The following ADCK2 variants were observed in gnomAD, a reference collection of about 807,000 sequenced individuals.
The protein encoded by ADCK2 is uncharacterized aarF domain-containing protein kinase 2.
In ADCK2, 37 loss-of-function variants were observed where a neutral mutation model predicts 52.3. The observed-to-expected ratio is 0.71, with a 90% CI of 0.54 to 0.93. ADCK2 has a LOEUF of 0.93. Ranked by LOEUF, ADCK2 falls within the 40% of genes least tolerant of loss-of-function variation. The pLI, the probability that ADCK2 is intolerant of heterozygous loss-of-function variation, is 0.00. For missense variants in ADCK2, 695 were observed against 798.7 expected (o/e 0.87, Z 1.56); for synonymous variants, 321 against 349.2 (o/e 0.92, Z 0.90).
In ADCK2 at chr7:140,690,826, C is replaced by T; in HGVS notation, c.1740+13C>T. ...GATGACTCACAAGGTGAGGGCCATT[C>T]AGAGGGGAGGTCTCTGGGGAAGGTG... On this transcript the variant is annotated intron_variant, in intron 7 of 7. Coordinates refer to ENST00000072869, the MANE Select transcript of ADCK2 (RefSeq NM_052853.4). The T allele has an allele frequency of 1.2e-6, 2 of 1,612,966 alleles. No homozygotes were observed. Among genetic ancestry groups the T allele is most frequent in the Non-Finnish European group, 1.7e-6 (2 of 1,179,410 alleles).
chr7:140,690,654 C>T (rs1438189707), intron 6 of ADCK2, 106 bp from the exon 7 acceptor site: 5 of 866,002 alleles, frequency 5.8e-6, no homozygotes, highest in Middle Eastern at 3.0e-4. Flanking sequence ...TGTGCCCTGG[C>T]GGGGGAGTGG....
chr7:140,690,891 G>A (rs1794692686), intron 7 of ADCK2, 78 bp downstream of exon 7: 18 of 1,306,582 alleles, frequency 1.4e-5, no homozygotes, highest in Non-Finnish European at 1.8e-5. Flanking sequence ...AGGGTGGTGG[G>A]AGGCGCTTCT....
At chr7:140,687,512 C>T (rs1794625673) in intron 5 of ADCK2, among the ~76,000 whole-genome samples, 1 of 151,962 alleles carries the variant, frequency 6.6e-6, no homozygotes, top group African/African-American at 2.4e-5. Flanking sequence ...GTCAGGGGTT[C>T]GAGACCAGCC....
chr7:140,676,558 T>G (rs974245633), intron 2 of ADCK2, among the ~76,000 whole-genome samples: 1 of 152,160 alleles, frequency 6.6e-6, no homozygotes, highest in Non-Finnish European at 1.5e-5. Flanking sequence ...CAAACTCACA[T>G]CTCTGAATCA....
intron 7 of ADCK2, among the ~76,000 whole-genome samples, chr7:140,691,114 C>T (rs895782417): frequency 1.6e-4 from 24 of 151,480 alleles, no homozygotes; most frequent in Non-Finnish European, 3.4e-4. Context: ...TTAGTAGAGA[C>T]GGGATTTCAC....
chr7:140,693,361 G>C lies in ADCK2; in HGVS notation c.1741-1302G>C, dbSNP rs138948988. Among the ~76,000 whole-genome samples the C allele has an allele frequency of 1.2e-3, 182 of 152,262 alleles. No individual in the cohort carries two copies. Among genetic ancestry groups the C allele is most frequent in the African/African-American group, 4.3e-3 (177 of 41,552 alleles). On this transcript the variant is annotated intron_variant, in intron 7 of 7. Coordinates refer to ENST00000072869, the MANE Select transcript of ADCK2 (RefSeq NM_052853.4). The surrounding 1 kb of genome is among the most constrained non-coding windows in gnomAD (Gnocchi z 4.0). Reference sequence around the variant, plus strand: ...TCCTGGGAGCATGCTGCTGCTTCTGGATCCACCTGACCCCGACAACCTTCC... The same window carrying C: ...TCCTGGGAGCATGCTGCTGCTTCTGCATCCACCTGACCCCGACAACCTTCC...
At chr7:140,691,784 C>G (rs2930315) in intron 7 of ADCK2, among the ~76,000 whole-genome samples, 45,912 of 152,214 alleles carry the variant, frequency 0.3, 10,869 homozygotes, top group African/African-American at 0.66. Flanking sequence ...TCCCCTCAGT[C>G]TTCCAAGAGG....
In ADCK2 at chr7:140,694,004, C is replaced by T. The variant is rs530399383; in HGVS notation, c.1741-659C>T. On this transcript the variant is annotated intron_variant, in intron 7 of 7. Coordinates refer to ENST00000072869, the MANE Select transcript of ADCK2 (RefSeq NM_052853.4). Reference sequence around the variant, plus strand: ...GATTACAGGAGTGAGCCACCACGCCCGGCCTGTGTGTTGTCTCTTAAAAAG... The same window carrying T: ...GATTACAGGAGTGAGCCACCACGCCTGGCCTGTGTGTTGTCTCTTAAAAAG... Among the ~76,000 whole-genome samples the T allele has an allele frequency of 5.9e-5, 9 of 152,298 alleles. No homozygotes were observed. The South Asian group carries it at 6.2e-4, about 11-fold the overall frequency.
chr7:140,673,322 C>A lies in ADCK2; in HGVS notation c.-9C>A. The A allele has an allele frequency of 7.0e-7, 1 of 1,437,542 alleles. No individual in the cohort carries two copies. The highest frequency in any genetic ancestry group is 1.5e-5 in the South Asian group (1 of 66,938). 89.0% of individuals were successfully genotyped at this position (1,437,542 alleles called of 1,614,324 possible). A position where few individuals can be genotyped will look rare whatever the true frequency, so the allele number is the denominator to read the frequency against. The stretch of plus-strand genomic sequence containing the variant: ...AGGGCGGGCCGCCTGGGCCGCGGGC[C>A]TCGGGAGGATGGTGGCGCCCTGGCG... On this transcript the variant is annotated 5_prime_UTR_variant, in exon 1 of 8. Coordinates refer to ENST00000072869, the MANE Select transcript of ADCK2 (RefSeq NM_052853.4). This position sits in a 1 kb window ranked among gnomAD's most constrained non-coding sequence, Gnocchi z 6.4.
At chr7:140,690,891 G>C in intron 7 of ADCK2, 78 bp downstream of exon 7, 1 of 1,306,696 alleles carries the variant, frequency 7.7e-7, no homozygotes, top group Non-Finnish European at 1.1e-6. Context: ...AGGGTGGTGG[G>C]AGGCGCTTCT....
rs200726170 is a variant in ADCK2 at position 140,674,243 on chromosome 7, C to G, written c.913C>G (p.Leu305Val). ...TGGCCACCAACCTGAGGCCACCAAC[C>G]TCATCTCCGTGGCAGTGAAAGTAAG... ...VPGHQPEATN[L>V]ISVAVKVLHP... Residue 305 changes from leucine (L) to valine (V), a missense_variant, in exon 1 of 8, where the codon CTC becomes GTC. By Grantham distance (32) the Leu-to-Val change is conservative. Coordinates refer to ENST00000072869, the MANE Select transcript of ADCK2 (RefSeq NM_052853.4). The surrounding 1 kb of genome is among the most constrained non-coding windows in gnomAD (Gnocchi z 4.6). 6.2e-7 allele frequency: 1 copy of G among 1,612,812 alleles called. No individual in the cohort carries two copies. Among genetic ancestry groups the G allele is most frequent in the Admixed American group, 1.7e-5 (1 of 59,918 alleles).
At position 140,673,757 on chromosome 7, in the gene ADCK2, C is replaced by T. The variant is rs1291565651; in HGVS notation, c.427C>T (p.Pro143Ser). Residue 143 changes from proline to serine, a missense_variant, in exon 1 of 8, where the codon CCA becomes TCA. Pro to Ser is a moderately conservative substitution (Grantham distance 74, BLOSUM62 -1). Coordinates refer to ENST00000072869, the MANE Select transcript of ADCK2 (RefSeq NM_052853.4). This position sits in a 1 kb window ranked among gnomAD's most constrained non-coding sequence, Gnocchi z 6.4. Reference protein sequence around the residue: ...LLLKATETSGPTYIKLGQWAS... With the variant: ...LLLKATETSGSTYIKLGQWAS... ...TCTGAAAGCCACCGAGACCTCAGGC[C>T]CAACCTACATCAAACTGGGCCAGTG... 1.2e-6 allele frequency: 2 copies of T among 1,613,690 alleles called. No homozygotes were observed. Among genetic ancestry groups the T allele is most frequent in the Non-Finnish European group, 8.5e-7 (1 of 1,180,040 alleles).
At chr7:140,675,940 G>A (rs944143622) in intron 2 of ADCK2, among the ~76,000 whole-genome samples, 5 of 152,186 alleles carry the variant, frequency 3.3e-5, no homozygotes, top group African/African-American at 1.2e-4. Flanking sequence ...TTGTTGGGTA[G>A]TGCAGGAATT....
rs1161383696 is a variant in ADCK2 at position 140,694,669 on chromosome 7, C to A, written c.1747C>A (p.Leu583Ile). The A allele has an allele frequency of 1.9e-6, 3 of 1,613,632 alleles. No individual in the cohort carries two copies. In the African/African-American group the frequency reaches 4.0e-5, roughly 22 times the overall value. The change falls in exon 8 of 8, where the codon CTT (leucine) becomes ATT (isoleucine). Residue 583 changes from leucine (L) to isoleucine (I), a missense_variant. Leu to Ile is a conservative substitution (Grantham distance 5). Transcript: ENST00000072869. ...FKLLMTHKVK[L>I]ESNFASIVFA... ...TTCTGTTTTTCTGTTCCAGGTAAAG[C>A]TTGAGAGCAACTTTGCCTCCATTGT...
rs1180209015 is a variant in ADCK2, at chr7:140,673,371, C to T, written c.41C>T (p.Ser14Leu). The change falls in exon 1 of 8, where the codon TCG becomes TTG. Residue 14 changes from serine to leucine, a missense_variant. By Grantham distance (145) the Ser-to-Leu change is moderately radical. Coordinates refer to ENST00000072869, the MANE Select transcript of ADCK2 (RefSeq NM_052853.4). The surrounding 1 kb of genome is among the most constrained non-coding windows in gnomAD (Gnocchi z 6.4). ...CGCGTCTCCGTCAGGGTTTGCCTGTCGCACCTGAGGTGCTTCGAGCTCAGA... is the reference window on the plus strand; with the variant it reads ...CGCGTCTCCGTCAGGGTTTGCCTGTTGCACCTGAGGTGCTTCGAGCTCAGA... ...PWRVSVRVCL[S>L]HLRCFELRQG... 4 of 1,505,788 alleles carry T rather than the reference C, an allele frequency of 2.7e-6. No homozygotes were observed. Among genetic ancestry groups the T allele is most frequent in the Non-Finnish European group, 3.5e-6 (4 of 1,127,134 alleles). The allele number at this position is 1,505,788 out of a possible 1,614,324, so 93.3% of individuals were successfully genotyped here.
In ADCK2 at chr7:140,685,999, C is replaced by T. The variant is rs1169726654; in HGVS notation, c.1306-991C>T. Among the ~76,000 whole-genome samples, 104 of 152,194 alleles carry T rather than the reference C, an allele frequency of 6.8e-4. 1 individual carries two copies. The highest frequency in any genetic ancestry group is 1.5e-4 in the Non-Finnish European group (10 of 68,042). On this transcript the variant is annotated intron_variant, in intron 4 of 7. Transcript: ENST00000072869. ...CAGTATGTCCTGAGAACTGTGTCCT[C>T]CTCCACAGAAGGGCTCTGTGTGCAT...
rs1794777523 is a variant in ADCK2, at chr7:140,695,105, T to A, written c.*302T>A. The A allele has an allele frequency of 8.9e-7, 1 of 1,118,078 alleles. No individual in the cohort carries two copies. Among genetic ancestry groups the A allele is most frequent in the Non-Finnish European group, 1.1e-6 (1 of 915,424 alleles). The allele number at this position is 1,118,078 out of a possible 1,614,324, so 69.3% of individuals were successfully genotyped here. The stretch of plus-strand genomic sequence containing the variant: ...GAGGAGGACGAATAAATTTATTTTG[T>A]TTTCCTGTTTTTCTCATTTCTTGAC... On this transcript the variant is annotated 3_prime_UTR_variant, in exon 8 of 8. Coordinates refer to ENST00000072869, the MANE Select transcript of ADCK2 (RefSeq NM_052853.4).
In ADCK2 at chr7:140,674,208, C is replaced by G. The variant is rs768492335; in HGVS notation, c.878C>G (p.Ala293Gly). The G allele has an allele frequency of 1.2e-6, 2 of 1,613,846 alleles. No homozygotes were observed. Among genetic ancestry groups the G allele is most frequent in the East Asian group, 4.5e-5 (2 of 44,898 alleles). Reference protein sequence around the residue: ...LVGSNAGVSRAQVPGHQPEAT... With the variant: ...LVGSNAGVSRGQVPGHQPEAT... ...GGATCAAATGCAGGGGTGTCTCGGG[C>G]TCAGGTCCCTGGCCACCAACCTGAG... The change falls in exon 1 of 8, where the codon GCT (alanine) becomes GGT (glycine). Residue 293 changes from alanine to glycine, a missense_variant. Transcript: ENST00000072869. The surrounding 1 kb of genome is among the most constrained non-coding windows in gnomAD (Gnocchi z 4.6).
chr7:140,691,447 C>T (rs1044774434), intron 7 of ADCK2, among the ~76,000 whole-genome samples: 4 of 152,168 alleles, frequency 2.6e-5, no homozygotes, highest in Non-Finnish European at 5.9e-5. Flanking sequence ...ATGCTTAGCT[C>T]TTTCCTGGTG....
Sources: gnomAD v4.1 joint callset for allele counts (sites outside exome capture counted in the v4.1 genomes callset) on GRCh38, gnomAD v4.1.1 for gene constraint, Gnocchi (gnomAD v3.1) non-coding constraint, MANE v1.5 for transcripts, NCBI Gene and HGNC (gene_info 2026-07-23, HGNC 2026-07-21) for gene names.